COG5: variants seen among roughly 807,000 people sequenced by gnomAD.
COG5 encodes component of oligomeric golgi complex 5, also known as conserved oligomeric Golgi complex subunit 5.
COG5 carries 86 observed loss-of-function variants against 110.4 expected under a neutral mutation model. The observed-to-expected ratio is 0.78, with a 90% CI of 0.65 to 0.93. COG5 has a LOEUF of 0.93. COG5 is among the 40% of genes least tolerant of loss of function. COG5 has a pLI of 0.00. For missense variants in COG5, 1,077 were observed against 987.0 expected (o/e 1.09, Z -1.22); for synonymous variants, 360 against 334.6 (o/e 1.08, Z -0.83).
At chr7:107,364,362 G>T (rs1813410054) in intron 8 of COG5, among the ~76,000 whole-genome samples, 1 of 152,148 alleles carries the variant, frequency 6.6e-6, no homozygotes, top group African/African-American at 2.4e-5. Context: ...TCCCTGATTG[G>T]TTTCATTGGT....
chr7:107,248,513 A>AC lies in COG5; in HGVS notation c.1750-15_1750-14insG. The AC allele has an allele frequency of 4.6e-6, 7 of 1,526,840 alleles. No homozygotes were observed. The highest frequency in any genetic ancestry group is 6.3e-6 in the Non-Finnish European group (7 of 1,108,972). The allele number at this position is 1,526,840 out of a possible 1,614,324, so 94.6% of individuals were successfully genotyped here. The stretch of plus-strand genomic sequence containing the variant: ...AGCATGAATAGCCTAAAAAAAAAAA[A>AC]GAAAGAAAAAAAAGAAGAGGCAAGA... On this transcript the variant is annotated splice_polypyrimidine_tract_variant and intron_variant, in intron 16 of 21. Coordinates refer to ENST00000297135, the MANE Select transcript of COG5 (RefSeq NM_006348.5).
At chr7:107,348,664 TCATTATTTG>T (rs1811854546) in intron 10 of COG5, among the ~76,000 whole-genome samples, 4 of 152,162 alleles carry the variant, frequency 2.6e-5, no homozygotes, top group Admixed American at 2.6e-4. Flanking sequence ...AAAAACCCAC[TCATTATTTG>T]CATACTTATA....
chr7:107,522,644 A>G (rs561641303), intron 6 of COG5, among the ~76,000 whole-genome samples: 2 of 152,276 alleles, frequency 1.3e-5, no homozygotes, highest in South Asian at 4.1e-4. Context: ...TAAAAATAAA[A>G]AAATCTTCTG....
At chr7:107,558,613 G>A (rs1270032306) in intron 1 of COG5, among the ~76,000 whole-genome samples, 10 of 136,332 alleles carry the variant, frequency 7.3e-5, no homozygotes, top group African/African-American at 1.1e-4. Flanking sequence ...CTGGCCGGGC[G>A]CGGTGGCTCA....
chr7:107,274,834 GCT>G (rs777288521), intron 14 of COG5, among the ~76,000 whole-genome samples: 1 of 151,974 alleles, frequency 6.6e-6, no homozygotes, highest in Admixed American at 6.6e-5. Context: ...TATTGTCATT[GCT>G]CTCTGTTTTC....
chr7:107,325,914 T>C (rs547788871), intron 10 of COG5, among the ~76,000 whole-genome samples: 1 of 152,200 alleles, frequency 6.6e-6, no homozygotes, highest in South Asian at 2.1e-4. Context: ...CATTGTTGAT[T>C]TCTTATGCAA....
intron 21 of COG5, among the ~76,000 whole-genome samples, chr7:107,204,654 T>C (rs7780542): frequency 0.63 from 96,531 of 152,124 alleles, 32,994 homozygotes; most frequent in African/African-American, 0.91. Flanking sequence ...TAATTGGGTT[T>C]GTTCAAGATT....
At chr7:107,377,084 A>G (rs1484681910) in intron 7 of COG5, among the ~76,000 whole-genome samples, 1 of 152,158 alleles carries the variant, frequency 6.6e-6, no homozygotes, top group Non-Finnish European at 1.5e-5. Context: ...TCATAAAATG[A>G]GCAGGTACAT....
intron 6 of COG5, among the ~76,000 whole-genome samples, chr7:107,479,467 A>G (rs1390250646): frequency 4.6e-5 from 7 of 152,162 alleles, no homozygotes; most frequent in Non-Finnish European, 1.0e-4. Flanking sequence ...AGCTAGTGAA[A>G]GGCCTGGCAA....
intron 6 of COG5, among the ~76,000 whole-genome samples, chr7:107,415,823 C>T (rs181667638): frequency 1.4e-5 from 1 of 72,488 alleles, no homozygotes; most frequent in African/African-American, 4.0e-5. Context: ...CACACATACA[C>T]GTATGTATGT....
Position 107,236,581 on chromosome 7 carries a change from A to G in COG5, c.1960T>C (p.Cys654Arg). 6.2e-7 allele frequency: 1 copy of G among 1,614,136 alleles called. No homozygotes were observed. The highest frequency in any genetic ancestry group is 8.5e-7 in the Non-Finnish European group (1 of 1,179,978). The change falls in exon 18 of 22, where the codon TGC (cysteine) becomes CGC (arginine). Residue 654 changes from cysteine (C) to arginine (R), a missense_variant. Coordinates refer to ENST00000297135, the MANE Select transcript of COG5 (RefSeq NM_006348.5). ...GTGTTGTCAAAGACAAAATCCAAGC[A>G]TTCAAAGTGTTTAAAATAGTCACTC... ...VMSDYFKHFE[C>R]LDFVFDNTEA... is the part of the protein sequence containing the mutation.
intron 19 of COG5, among the ~76,000 whole-genome samples, chr7:107,220,824 T>C (rs1445540871): frequency 6.7e-6 from 1 of 149,670 alleles, no homozygotes; most frequent in African/African-American, 2.5e-5. Flanking sequence ...TCTTTTTTTT[T>C]TTTTTTTTTT....
intron 17 of COG5, among the ~76,000 whole-genome samples, chr7:107,245,997 G>T (rs1046535935): frequency 6.6e-6 from 1 of 152,056 alleles, no homozygotes; most frequent in Non-Finnish European, 1.5e-5. Flanking sequence ...AAACAGAATG[G>T]TACTGGTACA....
chr7:107,411,182 A>G (rs967746995), intron 7 of COG5, among the ~76,000 whole-genome samples: 2 of 152,242 alleles, frequency 1.3e-5, no homozygotes, highest in Admixed American at 6.5e-5. Context: ...TAATTCATAC[A>G]GGATGGAGGG....
chr7:107,509,899 G>A (rs1167982520), intron 6 of COG5, among the ~76,000 whole-genome samples: 3 of 152,062 alleles, frequency 2.0e-5, no homozygotes, highest in Non-Finnish European at 4.4e-5. Flanking sequence ...CCTGAAAGAA[G>A]CACTAAACAT....
At chr7:107,488,209 C>G (rs566674690) in intron 6 of COG5, among the ~76,000 whole-genome samples, 31 of 151,818 alleles carry the variant, frequency 2.0e-4, no homozygotes, top group Non-Finnish European at 1.9e-4. Flanking sequence ...CATAAAAATT[C>G]CTTCCTCTGT....
chr7:107,400,250 C>A (rs186503499), intron 7 of COG5, among the ~76,000 whole-genome samples: 4 of 152,032 alleles, frequency 2.6e-5, no homozygotes, highest in African/African-American at 9.7e-5. Flanking sequence ...ACATAACATG[C>A]ATGAATCTCA....
chr7:107,223,184 A>G (rs1344588387), intron 19 of COG5, among the ~76,000 whole-genome samples: 1 of 152,202 alleles, frequency 6.6e-6, no homozygotes, highest in South Asian at 2.1e-4. Context: ...CACAGAAATG[A>G]AAGAGTGGGA....
intron 5 of COG5, 29 bp from the exon 6 acceptor site, chr7:107,527,386 T>C (rs771097903): frequency 5.0e-6 from 8 of 1,611,126 alleles, no homozygotes; most frequent in South Asian, 1.1e-5. Flanking sequence ...GTTAAGTTAG[T>C]TGATCCATGA....
Sources: gnomAD v4.1 joint callset for allele counts (sites outside exome capture counted in the v4.1 genomes callset) on GRCh38, gnomAD v4.1.1 for gene constraint, MANE v1.5 for transcripts, NCBI Gene and HGNC (gene_info 2026-07-23, HGNC 2026-07-21) for gene names.